The following RNF32 variants were observed in gnomAD, a reference collection of about 807,000 sequenced individuals.
RNF32 encodes ring finger protein 32.
RNF32 carries 36 observed loss-of-function variants against 41.0 expected under a neutral mutation model. The observed-to-expected ratio is 0.88, with a 90% CI of 0.67 to 1.16. The LOEUF is 1.16. Ranked by LOEUF, RNF32 falls within the 50% of genes most tolerant of loss-of-function variation. RNF32 has a pLI of 0.00. For synonymous variants in RNF32, 154 were observed against 160.9 expected, an observed-to-expected ratio of 0.96 and a Z score of 0.32; for missense variants, 413 against 436.7, an observed-to-expected ratio of 0.95 and a Z score of 0.48.
chr7:156,659,499 G>A, intron 7 of RNF32: 3 of 985,334 alleles, frequency 3.0e-6, no homozygotes, highest in Middle Eastern at 1.0e-3. Flanking sequence ...AGTCAGTTGT[G>A]TTCTCTGGGC....
At chr7:156,655,928 A>ATCAGGGTG (rs1799599788) in intron 4 of RNF32, among the ~76,000 whole-genome samples, 1 of 152,208 alleles carries the variant, frequency 6.6e-6, no homozygotes, top group South Asian at 2.1e-4. Flanking sequence ...TCTTATGGGG[A>ATCAGGGTG]TCAGGGTGTA....
chr7:156,675,176 T>A (rs1274180942), intron 7 of RNF32, among the ~76,000 whole-genome samples: 1 of 152,218 alleles, frequency 6.6e-6, no homozygotes, highest in Non-Finnish European at 1.5e-5. Context: ...CAGTAACGCC[T>A]GAGCGCTTTC....
At position 156,658,571 on chromosome 7, in the gene RNF32, G is replaced by A. The variant is rs367737717; in HGVS notation, c.684+1G>A. 1 of 1,587,438 alleles carries A rather than the reference G, an allele frequency of 6.3e-7. No homozygotes were observed. The highest frequency in any genetic ancestry group is 8.7e-7 in the Non-Finnish European group (1 of 1,155,682). Reference sequence around the variant, plus strand: ...AAGAAAAAAATTCTTTGAAAAAAAGGTAGGTAAAGATCATTATGTTCTCCA... The same window carrying A: ...AAGAAAAAAATTCTTTGAAAAAAAGATAGGTAAAGATCATTATGTTCTCCA... On this transcript the variant is annotated splice_donor_variant, in intron 7 of 8. Coordinates refer to ENST00000317955, the MANE Select transcript of RNF32 (RefSeq NM_030936.4). LOFTEE classifies it high-confidence loss of function.
At chr7:156,642,308 A>G (rs79584277) in intron 1 of RNF32, among the ~76,000 whole-genome samples, 1,886 of 152,286 alleles carry the variant, frequency 0.012, 36 homozygotes, top group African/African-American at 0.042. Context: ...ATAAAGACCA[A>G]AGCACTTCTA....
At chr7:156,647,211 T>C (rs1798080259) in intron 3 of RNF32, among the ~76,000 whole-genome samples, 1 of 152,164 alleles carries the variant, frequency 6.6e-6, no homozygotes, top group Non-Finnish European at 1.5e-5. Context: ...TATTTATTTT[T>C]ATTTCAATAG....
intron 7 of RNF32, among the ~76,000 whole-genome samples, chr7:156,662,179 A>C (rs1291055970): frequency 6.6e-6 from 1 of 152,220 alleles, no homozygotes; most frequent in Admixed American, 6.5e-5. Flanking sequence ...GGTAGAACTC[A>C]ACAGCTGTCC....
chr7:156,660,433 GA>G lies in RNF32; in HGVS notation c.684+1865del, dbSNP rs1304943711. On this transcript the variant is annotated intron_variant, in intron 7 of 8. Coordinates refer to ENST00000317955, the MANE Select transcript of RNF32 (RefSeq NM_030936.4). ...TTTCAATAGCAAATTCACTTAAGCT[GA>G]ATATCTGTGAAGAAACTGATAAGTA... is the stretch of plus-strand genomic sequence containing the variant. The G allele has an allele frequency of 9.2e-5, 29 of 316,838 alleles. 1 individual carries two copies. Among genetic ancestry groups the G allele is most frequent in the Non-Finnish European group, 1.3e-4 (29 of 218,980 alleles). 19.6% of individuals were successfully genotyped at this position (316,838 alleles called of 1,614,324 possible).
intron 7 of RNF32, 127 bp downstream of exon 7, chr7:156,658,697 G>A (rs189215780): frequency 2.6e-6 from 2 of 767,634 alleles, no homozygotes; most frequent in East Asian, 5.3e-5. Context: ...TTAAAAATGG[G>A]TGAGATGCTG....
chr7:156,644,046 G>A (rs1189585847), intron 2 of RNF32, among the ~76,000 whole-genome samples, 154 bp downstream of exon 2: 2 of 152,188 alleles, frequency 1.3e-5, no homozygotes, highest in Non-Finnish European at 2.9e-5. Context: ...ATGGGGCAGT[G>A]GACAAGCCAA....
chr7:156,644,724 GTTC>G lies in RNF32; in HGVS notation c.244_246del (p.Leu82del). On this transcript the variant is annotated inframe_deletion, in exon 3 of 9. Coordinates refer to ENST00000317955, the MANE Select transcript of RNF32 (RefSeq NM_030936.4). ...ACTAGAAGACTCAGAAAAAGAATATGTTCTTGATCCCAAACCGCCGCCGTTGAC... is the reference window on the plus strand; with the variant it reads ...ACTAGAAGACTCAGAAAAAGAATATGTTGATCCCAAACCGCCGCCGTTGAC... 2 of 1,610,748 alleles carry G rather than the reference GTTC, an allele frequency of 1.2e-6. No homozygotes were observed. Among genetic ancestry groups the G allele is most frequent in the African/African-American group, 2.7e-5 (2 of 74,688 alleles).
At chr7:156,668,226 G>A (rs1044708264) in intron 7 of RNF32, among the ~76,000 whole-genome samples, 6 of 152,144 alleles carry the variant, frequency 3.9e-5, no homozygotes, top group South Asian at 4.1e-4. Flanking sequence ...GAGCAGCAGC[G>A]CCCTGTGAGA....
At chr7:156,652,129 G>T (rs1255537787) in intron 3 of RNF32, among the ~76,000 whole-genome samples, 1 of 152,202 alleles carries the variant, frequency 6.6e-6, no homozygotes, top group African/African-American at 2.4e-5. Context: ...ACATTTGATT[G>T]ATAGCTAATA....
chr7:156,659,482 C>T (rs1327288157), intron 7 of RNF32: 5 of 985,094 alleles, frequency 5.1e-6, no homozygotes, highest in East Asian at 2.3e-4. Flanking sequence ...TATCTTCAGT[C>T]GTTGACAGTC....
chr7:156,649,828 G>A (rs1446125112), intron 3 of RNF32, among the ~76,000 whole-genome samples: 4 of 152,236 alleles, frequency 2.6e-5, no homozygotes, highest in South Asian at 2.1e-4. Context: ...TCTCGTTTAC[G>A]ATGTTTGACG....
At chr7:156,646,995 G>C (rs564067283) in intron 3 of RNF32, among the ~76,000 whole-genome samples, 1 of 152,218 alleles carries the variant, frequency 6.6e-6, no homozygotes, top group Admixed American at 6.5e-5. Context: ...GGAATTACAG[G>C]TGTGTGCCAC....
intron 7 of RNF32, among the ~76,000 whole-genome samples, chr7:156,668,456 G>C (rs1439281582): frequency 3.3e-5 from 5 of 152,236 alleles, no homozygotes; most frequent in Non-Finnish European, 7.3e-5. Context: ...CCAGAGGACA[G>C]AGGCTGTTGA....
At chr7:156,653,491 C>G (rs1290482839) in intron 3 of RNF32, among the ~76,000 whole-genome samples, 1 of 152,228 alleles carries the variant, frequency 6.6e-6, no homozygotes, top group African/African-American at 2.4e-5. Context: ...CATTTCTACT[C>G]TAAAAGCCCA....
chr7:156,646,458 C>T lies in RNF32; in HGVS notation c.274+1701C>T, dbSNP rs1295374436. On this transcript the variant is annotated intron_variant, in intron 3 of 8. Coordinates refer to ENST00000317955, the MANE Select transcript of RNF32 (RefSeq NM_030936.4). ...TCCCTTTCCTCTTCTTATAAGGATA[C>T]CATTCATAGGATGTACAGCCAACTT... The T allele has an allele frequency of 3.1e-6, 4 of 1,303,134 alleles. No individual in the cohort carries two copies. In the Admixed American group the frequency reaches 9.2e-5, roughly 30 times the overall value. The allele number at this position is 1,303,134 out of a possible 1,614,324, so 80.7% of individuals were successfully genotyped here.
intron 4 of RNF32, among the ~76,000 whole-genome samples, chr7:156,655,293 TAGAG>T (rs1045186230): frequency 6.7e-6 from 1 of 148,152 alleles, no homozygotes; most frequent in East Asian, 2.0e-4. Context: ...TATATATATA[TAGAG>T]AGAGAGAGAG....
Sources: gnomAD v4.1 joint callset for allele counts (sites outside exome capture counted in the v4.1 genomes callset) on GRCh38, gnomAD v4.1.1 for gene constraint, MANE v1.5 for transcripts, NCBI Gene and HGNC (gene_info 2026-07-23, HGNC 2026-07-21) for gene names.